SEMA5B: variants seen among roughly 807,000 people sequenced by gnomAD.
SEMA5B encodes semaphorin 5B, also known as semaphorin-5B.
SEMA5B carries 66 observed loss-of-function variants against 135.0 expected under a neutral mutation model. That is an observed-to-expected ratio of 0.49 (90% confidence interval 0.40 to 0.60). The LOEUF (loss-of-function observed/expected upper bound fraction) is 0.60. Ranked by LOEUF, SEMA5B falls within the 20% of genes least tolerant of loss-of-function variation. SEMA5B has a pLI of 0.00. For synonymous variants in SEMA5B, 690 were observed against 639.5 expected (o/e 1.08, Z -1.19); for missense variants, 1,501 against 1,566.3 (o/e 0.96, Z 0.70).
chr3:122,994,878 T>G (rs1941989821), intron 1 of SEMA5B, among the ~76,000 whole-genome samples: 1 of 152,236 alleles, frequency 6.6e-6, no homozygotes, highest in African/African-American at 2.4e-5. Context: ...CCCTCAGAGA[T>G]GCTGGATCCT....
In SEMA5B at chr3:122,910,081, C is replaced by T; in HGVS notation, c.*62G>A. On this transcript the variant is annotated 3_prime_UTR_variant, in exon 23 of 23. Transcript: ENST00000357599. ...GAGAAAACCAAACTGGCTCCACTGT[C>T]CCATCTCCATCTGCTCTGTGCCTTA... The T allele has an allele frequency of 6.4e-7, 1 of 1,566,094 alleles. No individual in the cohort carries two copies. Among genetic ancestry groups the T allele is most frequent in the Non-Finnish European group, 8.7e-7 (1 of 1,152,418 alleles).
intron 3 of SEMA5B, among the ~76,000 whole-genome samples, chr3:122,944,928 A>G (rs1293041913): frequency 2.0e-5 from 3 of 152,176 alleles, no homozygotes. Context: ...AATGGGAGGC[A>G]CTGTGCTTTC....
At chr3:123,007,328 C>T (rs375704528) in intron 1 of SEMA5B, among the ~76,000 whole-genome samples, 6 of 152,158 alleles carry the variant, frequency 3.9e-5, no homozygotes, top group African/African-American at 1.4e-4. Context: ...GGGTAGATCA[C>T]AGGGAAGCCA....
At chr3:122,947,707 A>G (rs1939852550) in intron 3 of SEMA5B, among the ~76,000 whole-genome samples, 1 of 152,130 alleles carries the variant, frequency 6.6e-6, no homozygotes, top group Non-Finnish European at 1.5e-5. Flanking sequence ...CAGGGTTACT[A>G]TGAGGAGGAA....
chr3:122,985,707 G>C (rs536417009), intron 1 of SEMA5B, among the ~76,000 whole-genome samples: 6 of 152,302 alleles, frequency 3.9e-5, no homozygotes, highest in East Asian at 1.9e-4. Context: ...AATCTTGCGG[G>C]AGGAGGTGTG....
intron 1 of SEMA5B, among the ~76,000 whole-genome samples, chr3:122,971,687 TG>T (rs1172080148): frequency 6.6e-6 from 1 of 152,266 alleles, no homozygotes; most frequent in Non-Finnish European, 1.5e-5. Context: ...CACTTATTGC[TG>T]CATGGGTGCT....
intron 1 of SEMA5B, among the ~76,000 whole-genome samples, chr3:123,014,562 C>G (rs764516395): frequency 3.3e-5 from 5 of 152,188 alleles, no homozygotes; most frequent in Admixed American, 2.0e-4. Context: ...GGATCCTGGC[C>G]GCCTGCAGGG....
chr3:122,911,796 C>T, intron 20 of SEMA5B, 124 bp downstream of exon 20: 1 of 1,277,250 alleles, frequency 7.8e-7, no homozygotes, highest in Non-Finnish European at 1.1e-6. Flanking sequence ...ATCTCCTTCC[C>T]CCCACTTCCA....
intron 1 of SEMA5B, among the ~76,000 whole-genome samples, chr3:122,992,055 G>A (rs1243479304): frequency 2.0e-5 from 3 of 152,098 alleles, no homozygotes; most frequent in African/African-American, 7.2e-5. Flanking sequence ...ACCACCAAGG[G>A]GAATGGTTTT....
At chr3:122,944,647 G>T (rs374147002) in intron 3 of SEMA5B, among the ~76,000 whole-genome samples, 8 of 152,324 alleles carry the variant, frequency 5.3e-5, no homozygotes, top group Admixed American at 6.5e-5. Context: ...TCCCAATCAA[G>T]GCCTTTCAAA....
rs181495576 is a variant in SEMA5B, at chr3:122,955,746, C to T, written c.124+5394G>A. On this transcript the variant is annotated intron_variant, in intron 2 of 22. Transcript: ENST00000357599. ...CTTGCTTAGAGAGACTGCTTTGATACACCCAGAACTAAGTCTGGTACCGAG... is the reference window on the plus strand; with the variant it reads ...CTTGCTTAGAGAGACTGCTTTGATATACCCAGAACTAAGTCTGGTACCGAG... Among the ~76,000 whole-genome samples, 329 of 152,350 alleles carry T rather than the reference C, an allele frequency of 2.2e-3. 1 individual carries two copies. The highest frequency in any genetic ancestry group is 7.5e-3 in the African/African-American group (311 of 41,580).
At chr3:122,921,668 G>C (rs1466904482) in intron 12 of SEMA5B, among the ~76,000 whole-genome samples, 3 of 152,242 alleles carry the variant, frequency 2.0e-5, no homozygotes, top group African/African-American at 7.2e-5. Context: ...ACCAAAATTT[G>C]CTAAGCACAC....
chr3:123,026,338 G>A (rs1341175383), intron 1 of SEMA5B, among the ~76,000 whole-genome samples: 3 of 152,098 alleles, frequency 2.0e-5, no homozygotes, highest in South Asian at 2.1e-4. Context: ...GGGCAGGATC[G>A]CAGGGGTGCG....
chr3:122,955,963 C>A (rs920436606), intron 2 of SEMA5B, among the ~76,000 whole-genome samples: 1 of 152,200 alleles, frequency 6.6e-6, no homozygotes, highest in Non-Finnish European at 1.5e-5. Context: ...AACCATGGTC[C>A]TTGCCTTCAA....
chr3:122,927,678 A>G, intron 8 of SEMA5B, 112 bp downstream of exon 8: 1 of 718,496 alleles, frequency 1.4e-6, no homozygotes, highest in Non-Finnish European at 2.0e-6. Context: ...TGATGAGGCA[A>G]GTGGGAGCAC....
In SEMA5B at chr3:122,939,089, T is replaced by G. The variant is rs566938953; in HGVS notation, c.474+336A>C. 2.0e-5 allele frequency among the ~76,000 whole-genome samples: 3 copies of G among 152,322 alleles called. No individual in the cohort carries two copies. In the South Asian group the frequency reaches 6.2e-4, roughly 32 times the overall value. On this transcript the variant is annotated intron_variant, in intron 5 of 22. Coordinates refer to ENST00000357599, the MANE Select transcript of SEMA5B (RefSeq NM_001031702.4). ...CCCAGTTTGCCCAGTATTGTCCCAG[T>G]TTTTGCACTGGAAGTTCTGCATTCT...
At chr3:122,939,282 G>C (rs1939447721) in intron 5 of SEMA5B, 143 bp downstream of exon 5, 1 of 683,788 alleles carries the variant, frequency 1.5e-6, no homozygotes, top group Admixed American at 2.3e-5. Flanking sequence ...GCTGGGGTCT[G>C]AGTCCATGGC....
rs1938773980 is a variant in SEMA5B, at chr3:122,928,625, GAAGGA to G, written c.538-15_538-11del. 1 of 1,547,862 alleles carries G rather than the reference GAAGGA, an allele frequency of 6.5e-7. No homozygotes were observed. The highest frequency in any genetic ancestry group is 1.4e-5 in the African/African-American group (1 of 73,034). Reference sequence around the variant, plus strand: ...AGTTCTGACACTCCTCCTGAGGCAGGAAGGAAAGGAGCAGACAGCACAGCTCTCCA... The same window carrying G: ...AGTTCTGACACTCCTCCTGAGGCAGGAAGGAGCAGACAGCACAGCTCTCCA... On this transcript the variant is annotated splice_polypyrimidine_tract_variant and intron_variant, in intron 6 of 22. Coordinates refer to ENST00000357599, the MANE Select transcript of SEMA5B (RefSeq NM_001031702.4).
intron 1 of SEMA5B, among the ~76,000 whole-genome samples, chr3:122,996,340 C>A (rs1027460186): frequency 6.6e-6 from 1 of 152,242 alleles, no homozygotes; most frequent in Admixed American, 6.5e-5. Context: ...GACGTCCCTG[C>A]CTTTGGCACC....
Sources: gnomAD v4.1 joint callset for allele counts (sites outside exome capture counted in the v4.1 genomes callset) on GRCh38, gnomAD v4.1.1 for gene constraint, MANE v1.5 for transcripts, NCBI Gene and HGNC (gene_info 2026-07-23, HGNC 2026-07-21) for gene names.